Variants in SNX29 observed in about 807,000 individuals in gnomAD.
SNX29 encodes sorting nexin 29.
SNX29 carries 78 observed loss-of-function variants against 102.1 expected under a neutral mutation model. The ratio of observed to expected loss-of-function variants is 0.76; its 90% CI spans 0.64 to 0.92. The LOEUF is 0.92. Ranked by LOEUF, SNX29 falls within the 40% of genes least tolerant of loss-of-function variation. The probability of loss-of-function intolerance (pLI) is 0.00; values close to 1 mark genes in which losing one functional copy is unlikely to be tolerated. For synonymous variants in SNX29, 580 were observed against 414.5 expected, an observed-to-expected ratio of 1.40 and a Z score of -4.85; for missense variants, 1,280 against 1,061.7, an observed-to-expected ratio of 1.21 and a Z score of -2.86.
chr16:12,561,374 G>T (rs1300453518), intron 20 of SNX29, among the ~76,000 whole-genome samples: 1 of 152,082 alleles, frequency 6.6e-6, no homozygotes, highest in Non-Finnish European at 1.5e-5. Flanking sequence ...CTAGGTCGTG[G>T]AAGATGCTGG....
intron 9 of SNX29, among the ~76,000 whole-genome samples, chr16:12,064,366 A>G (rs1477367380): frequency 6.6e-6 from 1 of 152,176 alleles, no homozygotes; most frequent in Non-Finnish European, 1.5e-5. Flanking sequence ...GTAGCTCCCC[A>G]TCAGCCTCTA....
rs1287006135 is a variant in SNX29 at position 12,568,747 on chromosome 16, C to G, written c.*118C>G. On this transcript the variant is annotated 3_prime_UTR_variant, in exon 21 of 21. Transcript: ENST00000566228. ...CACGTCCACCTGGTGATCCTGAGAG[C>G]ACACGATTCCCAACAGTTACACAAC... 3.5e-6 allele frequency: 5 copies of G among 1,414,368 alleles called. No individual in the cohort carries two copies. The Admixed American group carries it at 9.4e-5, about 27-fold the overall frequency. The allele number at this position is 1,414,368 out of a possible 1,614,324, so 87.6% of individuals were successfully genotyped here. A position where few individuals can be genotyped will look rare whatever the true frequency, so the allele number is the denominator to read the frequency against.
intron 11 of SNX29, among the ~76,000 whole-genome samples, chr16:12,100,031 T>G (rs2052944692): frequency 6.6e-6 from 1 of 152,164 alleles, no homozygotes; most frequent in Non-Finnish European, 1.5e-5. Flanking sequence ...TCTCTCTCAT[T>G]GAGCAGAATC....
chr16:12,505,011 C>T (rs2089307055), intron 19 of SNX29, among the ~76,000 whole-genome samples: 1 of 152,186 alleles, frequency 6.6e-6, no homozygotes, highest in Non-Finnish European at 1.5e-5. Flanking sequence ...CACAGTGGCT[C>T]ATACTCCTGG....
At chr16:12,401,424 G>A (rs371391337) in intron 17 of SNX29, among the ~76,000 whole-genome samples, 2 of 146,028 alleles carry the variant, frequency 1.4e-5, no homozygotes, top group African/African-American at 5.1e-5. Context: ...GAGTGCAGTG[G>A]TGTGACCTTG....
Position 12,537,597 on chromosome 16 carries a change from C to A in SNX29, c.2318+12756C>A, listed in dbSNP as rs144250734. ...CTTTGTTTTTACTTCTTTGTTCAAA[C>A]TCTCACTTCAGTCCCAAAATGATTG... is the stretch of plus-strand genomic sequence containing the variant. On this transcript the variant is annotated intron_variant, in intron 20 of 20. Transcript: ENST00000566228. Among the ~76,000 whole-genome samples, 117 of 152,304 alleles carry A rather than the reference C, an allele frequency of 7.7e-4. 1 individual carries two copies. In the Middle Eastern group the frequency reaches 0.01, roughly 13 times the overall value.
chr16:12,046,005 A>T (rs2050074020), intron 5 of SNX29, among the ~76,000 whole-genome samples: 1 of 152,132 alleles, frequency 6.6e-6, no homozygotes, highest in African/African-American at 2.4e-5. Context: ...CTCTTCTTGT[A>T]TTAGGCAAAT....
At chr16:12,368,168 T>C (rs940100119) in intron 16 of SNX29, among the ~76,000 whole-genome samples, 1 of 152,210 alleles carries the variant, frequency 6.6e-6, no homozygotes, top group Non-Finnish European at 1.5e-5. Context: ...GGGTGGTCAG[T>C]TTCCCCTGGG....
At chr16:12,059,408 G>C (rs1038295578) in intron 8 of SNX29, among the ~76,000 whole-genome samples, 2 of 152,230 alleles carry the variant, frequency 1.3e-5, no homozygotes, top group Admixed American at 1.3e-4. Context: ...TCTCCCCCAG[G>C]TTGGGCTCCT....
At chr16:12,066,843 T>C (rs1282800982) in intron 9 of SNX29, among the ~76,000 whole-genome samples, 5 of 151,664 alleles carry the variant, frequency 3.3e-5, no homozygotes, top group African/African-American at 4.8e-5. Context: ...ATGGGGTGAG[T>C]TGATGCCACC....
At chr16:12,467,343 T>A (rs2087101805) in intron 18 of SNX29, among the ~76,000 whole-genome samples, 1 of 152,206 alleles carries the variant, frequency 6.6e-6, no homozygotes, top group Non-Finnish European at 1.5e-5. Context: ...TGGCTATCGC[T>A]CACTAGGGCG....
intron 16 of SNX29, among the ~76,000 whole-genome samples, chr16:12,397,180 G>A (rs1428449612): frequency 2.0e-5 from 3 of 152,194 alleles, no homozygotes; most frequent in Non-Finnish European, 2.9e-5. Context: ...GGCATGAGCC[G>A]CTTCACCCAG....
chr16:12,150,758 C>T (rs543825944), intron 13 of SNX29, among the ~76,000 whole-genome samples: 33 of 152,358 alleles, frequency 2.2e-4, no homozygotes, highest in Middle Eastern at 6.8e-3. Context: ...CCAGCAAGGT[C>T]ACAGCCTGTG....
chr16:12,051,674 C>T (rs565523809), intron 7 of SNX29, among the ~76,000 whole-genome samples, 173 bp from the exon 8 acceptor site: 37 of 152,354 alleles, frequency 2.4e-4, no homozygotes, highest in Middle Eastern at 3.4e-3. Context: ...GTCCATTCTG[C>T]TCAATCTTCT....
At chr16:12,351,558 A>G (rs981481640) in intron 15 of SNX29, among the ~76,000 whole-genome samples, 1 of 152,222 alleles carries the variant, frequency 6.6e-6, no homozygotes, top group Non-Finnish European at 1.5e-5. Flanking sequence ...ACATTCTGAT[A>G]TGAAAGGAAA....
chr16:12,500,758 T>C (rs568197392), intron 19 of SNX29, among the ~76,000 whole-genome samples: 132 of 152,360 alleles, frequency 8.7e-4, no homozygotes, highest in African/African-American at 3.1e-3. Context: ...CATGAGAATC[T>C]GCATGTTCAC....
intron 13 of SNX29, among the ~76,000 whole-genome samples, chr16:12,147,637 G>C (rs958648195): frequency 2.0e-5 from 3 of 152,186 alleles, no homozygotes; most frequent in East Asian, 1.9e-4. Context: ...GGATGTAGCC[G>C]ATCCAAGGAG....
At chr16:12,162,680 G>C (rs2055840451) in intron 13 of SNX29, among the ~76,000 whole-genome samples, 1 of 152,208 alleles carries the variant, frequency 6.6e-6, no homozygotes, top group African/African-American at 2.4e-5. Flanking sequence ...CCTTGAGCTA[G>C]CCTGAAGGCA....
chr16:12,326,838 G>A (rs930379355), intron 15 of SNX29, among the ~76,000 whole-genome samples: 4 of 152,224 alleles, frequency 2.6e-5, no homozygotes, highest in African/African-American at 7.2e-5. Flanking sequence ...TGGGCCTTGC[G>A]GGAGGTGTGA....
Sources: allele counts gnomAD v4.1 joint callset (sites outside exome capture counted in the v4.1 genomes callset), GRCh38; gene constraint gnomAD v4.1.1; transcripts MANE v1.5; gene names NCBI Gene and HGNC (gene_info 2026-07-23, HGNC 2026-07-21).